The following FMN2 variants were observed in gnomAD, a reference collection of about 807,000 sequenced individuals.
FMN2 encodes the protein formin-2.
In FMN2, 51 loss-of-function variants were observed where a neutral mutation model predicts 142.3. That is an observed-to-expected ratio of 0.36 (90% CI 0.29 to 0.45). The LOEUF (loss-of-function observed/expected upper bound fraction) is 0.45, where lower values mean the gene tolerates loss of function less well. Among genes scored for constraint, FMN2 ranks in the 20% least tolerant of loss-of-function variants. The probability of loss-of-function intolerance (pLI) is 1.00; values close to 1 mark genes in which losing one functional copy is unlikely to be tolerated. For synonymous variants in FMN2, 882 were observed against 869.8 expected, an observed-to-expected ratio of 1.01 and a Z score of -0.25; for missense variants, 1,936 against 2,122.8, an observed-to-expected ratio of 0.91 and a Z score of 1.73.
chr1:240,259,889 A>G (rs892348674), intron 7 of FMN2, among the ~76,000 whole-genome samples: 1 of 152,086 alleles, frequency 6.6e-6, no homozygotes, highest in Non-Finnish European at 1.5e-5. Context: ...GTAGTCTTTT[A>G]TTCCTCACCC....
At chr1:240,236,321 C>T (rs530761399) in intron 6 of FMN2, among the ~76,000 whole-genome samples, 24 of 152,290 alleles carry the variant, frequency 1.6e-4, no homozygotes, top group African/African-American at 5.3e-4. Flanking sequence ...CTCTCACTCT[C>T]GCCATGCCTT....
chr1:240,378,457 TTC>T (rs1673120509), intron 14 of FMN2, among the ~76,000 whole-genome samples: 1 of 152,180 alleles, frequency 6.6e-6, no homozygotes, highest in Non-Finnish European at 1.5e-5. Context: ...GGCTGTGTTT[TTC>T]TCTTTCTTGA....
intron 6 of FMN2, among the ~76,000 whole-genome samples, chr1:240,226,342 G>T (rs1667297428): frequency 1.3e-5 from 2 of 152,150 alleles, no homozygotes; most frequent in Admixed American, 1.3e-4. Context: ...ACTAACAGCA[G>T]ACTTATCAGA....
chr1:240,124,874 T>G (rs577899162), intron 2 of FMN2, among the ~76,000 whole-genome samples: 1 of 152,150 alleles, frequency 6.6e-6, no homozygotes, highest in South Asian at 2.1e-4. Context: ...CACCATGTTG[T>G]TCAGGCTGTT....
chr1:240,149,934 A>G (rs1416778943), intron 2 of FMN2, among the ~76,000 whole-genome samples: 3 of 152,198 alleles, frequency 2.0e-5, no homozygotes, highest in African/African-American at 7.2e-5. Context: ...ACAGGTGAAA[A>G]CAAATATGGT....
At chr1:240,439,510 A>C (rs1000233635) in intron 16 of FMN2, among the ~76,000 whole-genome samples, 60 of 152,286 alleles carry the variant, frequency 3.9e-4, no homozygotes, top group African/African-American at 1.4e-3. Context: ...TCCTATAATA[A>C]TTACTTAGAT....
chr1:240,438,458 A>G (rs960130219), intron 16 of FMN2, among the ~76,000 whole-genome samples: 1 of 152,204 alleles, frequency 6.6e-6, no homozygotes, highest in African/African-American at 2.4e-5. Flanking sequence ...GGGTAAATCA[A>G]CTTCTATCAT....
intron 8 of FMN2, among the ~76,000 whole-genome samples, chr1:240,324,514 A>G (rs1028161234): frequency 3.3e-5 from 5 of 152,016 alleles, no homozygotes; most frequent in Non-Finnish European, 7.4e-5. Flanking sequence ...TTACCTGGGC[A>G]TGCATGGTGG....
At chr1:240,121,735 TAAAA>T (rs71168898) in intron 1 of FMN2, among the ~76,000 whole-genome samples, 162 of 25,666 alleles carry the variant, frequency 6.3e-3, no homozygotes, top group Middle Eastern at 0.038. Flanking sequence ...AGGGAAATAG[TAAAA>T]AAAAAAAAAA....
chr1:240,160,184 A>G (rs1189275844), intron 2 of FMN2, among the ~76,000 whole-genome samples: 1 of 150,978 alleles, frequency 6.6e-6, no homozygotes, highest in East Asian at 1.9e-4. Context: ...CAGAGGAGGA[A>G]TGAACACTGC....
At chr1:240,156,951 C>T (rs1454863366) in intron 2 of FMN2, among the ~76,000 whole-genome samples, 1 of 152,052 alleles carries the variant, frequency 6.6e-6, no homozygotes, top group Non-Finnish European at 1.5e-5. Context: ...CTTTTGAAAG[C>T]TTTAGGAAGA....
At chr1:240,219,898 A>G (rs1667043372) in intron 6 of FMN2, among the ~76,000 whole-genome samples, 2 of 152,144 alleles carry the variant, frequency 1.3e-5, no homozygotes, top group South Asian at 2.1e-4. Flanking sequence ...GGCTCAGGCA[A>G]TCTTCCTGCC....
chr1:240,097,669 T>C (rs1297161813), intron 1 of FMN2, among the ~76,000 whole-genome samples: 1 of 152,198 alleles, frequency 6.6e-6, no homozygotes, highest in Non-Finnish European at 1.5e-5. Flanking sequence ...CTGTCTTTAG[T>C]CTCTTTGCTC....
chr1:240,126,527 C>A (rs892595577), intron 2 of FMN2, among the ~76,000 whole-genome samples: 2 of 152,084 alleles, frequency 1.3e-5, no homozygotes, highest in African/African-American at 4.8e-5. Context: ...TGACTCAACC[C>A]TTCTGATTTT....
At chr1:240,375,803 G>C (rs897663101) in intron 14 of FMN2, among the ~76,000 whole-genome samples, 2 of 152,126 alleles carry the variant, frequency 1.3e-5, no homozygotes, top group African/African-American at 4.8e-5. Flanking sequence ...TGTCTCCATT[G>C]CTTTGACAGT....
chr1:240,126,743 G>A (rs1179973248), intron 2 of FMN2, among the ~76,000 whole-genome samples: 1 of 152,150 alleles, frequency 6.6e-6, no homozygotes, highest in African/African-American at 2.4e-5. Flanking sequence ...GCCAGGCAGT[G>A]TTTTAGGCTC....
At chr1:240,385,819 C>A (rs1462950330) in intron 14 of FMN2, among the ~76,000 whole-genome samples, 1 of 152,034 alleles carries the variant, frequency 6.6e-6, no homozygotes, top group Non-Finnish European at 1.5e-5. Flanking sequence ...GTATATGTTT[C>A]TTGAGTTTTT....
At chr1:240,439,308 A>G (rs1287425278) in intron 16 of FMN2, among the ~76,000 whole-genome samples, 1 of 151,812 alleles carries the variant, frequency 6.6e-6, no homozygotes, top group Non-Finnish European at 1.5e-5. Flanking sequence ...AGAAAGAGTT[A>G]CATCCTGAGA....
chr1:240,259,815 C>A lies in FMN2; in HGVS notation c.4153+1783C>A, dbSNP rs137857090. Among the ~76,000 whole-genome samples the A allele has an allele frequency of 3.1e-3, 467 of 152,176 alleles. 1 individual carries two copies. Among genetic ancestry groups the A allele is most frequent in the African/African-American group, 0.011 (455 of 41,512 alleles). On this transcript the variant is annotated intron_variant, in intron 7 of 17. Transcript: ENST00000319653. ...TGGTATTTGGTTACATGAGTAAGTT[C>A]TTTAGTGGTGATCTGAGATTTTGGT... is the stretch of plus-strand genomic sequence containing the variant.
Sources: allele counts gnomAD v4.1 joint callset (sites outside exome capture counted in the v4.1 genomes callset), GRCh38; gene constraint gnomAD v4.1.1; transcripts MANE v1.5; gene names NCBI Gene and HGNC (gene_info 2026-07-23, HGNC 2026-07-21).